Variants in ZNF385B observed in about 807,000 individuals in gnomAD.
ZNF385B encodes the protein zinc finger protein 533.
Under a neutral mutation model 39.2 loss-of-function variants are expected in ZNF385B, and 23 were observed. The observed-to-expected ratio is 0.59, with a 90% CI of 0.42 to 0.83. ZNF385B has a LOEUF of 0.83. Ranked by LOEUF, ZNF385B falls within the 40% of genes least tolerant of loss-of-function variation. ZNF385B has a pLI of 0.00. For synonymous variants in ZNF385B, 205 were observed against 222.6 expected, an observed-to-expected ratio of 0.92 and a Z score of 0.70; for missense variants, 552 against 598.9, an observed-to-expected ratio of 0.92 and a Z score of 0.82.
chr2:179,699,683 G>A (rs1699032558), intron 3 of ZNF385B, among the ~76,000 whole-genome samples: 1 of 152,128 alleles, frequency 6.6e-6, no homozygotes, highest in African/African-American at 2.4e-5. Context: ...TGATCCACTT[G>A]AGCAGGGAGG....
chr2:179,478,451 G>A (rs2053656763), intron 6 of ZNF385B, among the ~76,000 whole-genome samples: 1 of 152,208 alleles, frequency 6.6e-6, no homozygotes, highest in Non-Finnish European at 1.5e-5. Context: ...GGTTAAGAAA[G>A]TCAAGTGAAA....
At chr2:179,628,649 C>A (rs944163690) in intron 3 of ZNF385B, among the ~76,000 whole-genome samples, 2 of 152,162 alleles carry the variant, frequency 1.3e-5, no homozygotes, top group African/African-American at 4.8e-5. Context: ...TATAAAAATT[C>A]TCCATCAACC....
rs779574586 is a variant in ZNF385B, at chr2:179,444,889, G to A, written c.1229C>T (p.Pro410Leu). 4.3e-6 allele frequency: 7 copies of A among 1,613,896 alleles called. No individual in the cohort carries two copies. In the Admixed American group the frequency reaches 6.7e-5, roughly 15 times the overall value. ...YSPYNKLQRS[P>L]SILAAKLAFQ... ...AGGTAAACTTACTGCTAGAATACTCGGGCTCCGCTGGAGTTTGTTGTAAGG... is the reference window on the plus strand; with the variant it reads ...AGGTAAACTTACTGCTAGAATACTCAGGCTCCGCTGGAGTTTGTTGTAAGG... Residue 410 changes from proline to leucine, a missense_variant, in exon 9 of 10, where the codon CCG becomes CTG. Physicochemically the swap from Pro to Leu is moderately conservative, Grantham distance 98 (BLOSUM62 -3). Transcript: ENST00000410066.
chr2:179,693,542 T>G (rs1283541571), intron 3 of ZNF385B, among the ~76,000 whole-genome samples: 1 of 152,176 alleles, frequency 6.6e-6, no homozygotes. Flanking sequence ...AAAGAATAAC[T>G]TAAAAACATA....
intron 3 of ZNF385B, among the ~76,000 whole-genome samples, chr2:179,736,520 T>TA (rs1701767170): frequency 6.6e-6 from 1 of 152,210 alleles, no homozygotes; most frequent in South Asian, 2.1e-4. Context: ...CAAGGACAGT[T>TA]AATCGTATTA....
chr2:179,538,942 T>C (rs1219360242), intron 4 of ZNF385B, among the ~76,000 whole-genome samples: 1 of 152,180 alleles, frequency 6.6e-6, no homozygotes, highest in African/African-American at 2.4e-5. Context: ...AAGTCAGCTC[T>C]TGATTATAGC....
chr2:179,759,891 T>G (rs1007987824), intron 3 of ZNF385B, among the ~76,000 whole-genome samples: 1 of 152,118 alleles, frequency 6.6e-6, no homozygotes, highest in East Asian at 1.9e-4. Context: ...TTTCCTATTA[T>G]CTCTAATTAT....
chr2:179,791,419 A>G (rs778421655), intron 1 of ZNF385B, among the ~76,000 whole-genome samples: 6 of 152,240 alleles, frequency 3.9e-5, no homozygotes, highest in Non-Finnish European at 7.3e-5. Context: ...CAATATTTGT[A>G]TCAAAAGTAG....
intron 1 of ZNF385B, among the ~76,000 whole-genome samples, chr2:179,839,803 C>G (rs1708449505): frequency 6.6e-6 from 1 of 152,184 alleles, no homozygotes; most frequent in Non-Finnish European, 1.5e-5. Context: ...TTACTCAAAC[C>G]TGGAGAAGAG....
chr2:179,460,372 T>C (rs1298901163), intron 6 of ZNF385B, among the ~76,000 whole-genome samples: 2 of 152,244 alleles, frequency 1.3e-5, no homozygotes, highest in Admixed American at 6.5e-5. Flanking sequence ...CAGTTTAACT[T>C]TGAAGCAAGG....
intron 3 of ZNF385B, among the ~76,000 whole-genome samples, chr2:179,744,113 C>G (rs909021679): frequency 6.6e-5 from 10 of 152,044 alleles, no homozygotes; most frequent in Admixed American, 6.6e-4. Flanking sequence ...ATAAATACTT[C>G]ACATTTCAGA....
At chr2:179,837,095 A>T (rs1363638585) in intron 1 of ZNF385B, among the ~76,000 whole-genome samples, 1 of 152,230 alleles carries the variant, frequency 6.6e-6, no homozygotes, top group Non-Finnish European at 1.5e-5. Flanking sequence ...AGCTGAGCAT[A>T]TAATTTTTAA....
At chr2:179,843,512 C>G (rs1056806713) in intron 1 of ZNF385B, among the ~76,000 whole-genome samples, 6 of 152,200 alleles carry the variant, frequency 3.9e-5, no homozygotes, top group African/African-American at 1.4e-4. Context: ...ATATATTATC[C>G]ATATACTTGT....
chr2:179,700,123 A>C (rs1300788532), intron 3 of ZNF385B, among the ~76,000 whole-genome samples: 1 of 152,176 alleles, frequency 6.6e-6, no homozygotes, highest in Admixed American at 6.5e-5. Context: ...TTTTCATCAA[A>C]AAAGCCTCCA....
At chr2:179,583,833 G>T in intron 3 of ZNF385B, 2 of 1,154,010 alleles carry the variant, frequency 1.7e-6, no homozygotes, top group Non-Finnish European at 2.3e-6. Context: ...GGAACTGGCA[G>T]CAGGGCCATT....
At chr2:179,454,575 G>C (rs1220789567) in intron 6 of ZNF385B, among the ~76,000 whole-genome samples, 1 of 152,096 alleles carries the variant, frequency 6.6e-6, no homozygotes, top group Non-Finnish European at 1.5e-5. Flanking sequence ...CTAGAAGAAG[G>C]CATTGTTATC....
rs142060364 is a variant in ZNF385B, at chr2:179,712,511, A to G, written c.298+56992T>C. On this transcript the variant is annotated intron_variant, in intron 3 of 9. Transcript: ENST00000410066. ...ACCATGGCTCTCATCTTCTTCTTCAATAGGCTCTGTTGCTTTTGTTTCTCT... is the reference window on the plus strand; with the variant it reads ...ACCATGGCTCTCATCTTCTTCTTCAGTAGGCTCTGTTGCTTTTGTTTCTCT... Among the ~76,000 whole-genome samples the G allele has an allele frequency of 9.7e-4, 147 of 152,220 alleles. 1 individual carries two copies. The highest frequency in any genetic ancestry group is 3.4e-3 in the African/African-American group (142 of 41,528).
Position 179,718,292 on chromosome 2 carries a change from A to G in ZNF385B, c.298+51211T>C, listed in dbSNP as rs1700460229. Among the ~76,000 whole-genome samples, 4 of 150,512 alleles carry G rather than the reference A, an allele frequency of 2.7e-5. No homozygotes were observed. The South Asian group carries it at 6.2e-4, about 23-fold the overall frequency. ...GTGAGAATTTTAAATACTGGGTCTT[A>G]AAAGTGTTTTGCTTACTTTATAATC... is the stretch of plus-strand genomic sequence containing the variant. On this transcript the variant is annotated intron_variant, in intron 3 of 9. Transcript: ENST00000410066.
intron 3 of ZNF385B, among the ~76,000 whole-genome samples, chr2:179,667,948 T>G (rs192052160): frequency 2.1e-4 from 32 of 152,330 alleles, no homozygotes; most frequent in African/African-American, 5.3e-4. Context: ...CCTCCTTAAG[T>G]TGGCCTGAGT....
Sources: allele counts gnomAD v4.1 joint callset (sites outside exome capture counted in the v4.1 genomes callset), GRCh38; gene constraint gnomAD v4.1.1; transcripts MANE v1.5; gene names NCBI Gene and HGNC (gene_info 2026-07-23, HGNC 2026-07-21).